Variants in RNF150 observed in about 807,000 individuals in gnomAD.
RNF150 encodes ring finger protein 150.
A neutral mutation model predicts 39.3 loss-of-function variants in RNF150; 24 were observed. The observed-to-expected ratio is 0.61, with a 90% CI of 0.44 to 0.86. The LOEUF is 0.86. RNF150 is among the 40% of genes least tolerant of loss of function. RNF150 has a pLI of 0.00. For synonymous variants in RNF150, 255 were observed against 227.3 expected (o/e 1.12, Z -1.10); for missense variants, 502 against 587.8 (o/e 0.85, Z 1.51).
At chr4:141,068,439 C>A (rs958674111) in intron 1 of RNF150, among the ~76,000 whole-genome samples, 1 of 152,048 alleles carries the variant, frequency 6.6e-6, no homozygotes, top group African/African-American at 2.4e-5. Flanking sequence ...GGTACCAGTA[C>A]CATGCTGTTT....
chr4:141,065,611 G>A (rs1737424966), intron 1 of RNF150, among the ~76,000 whole-genome samples: 1 of 151,964 alleles, frequency 6.6e-6, no homozygotes, highest in South Asian at 2.1e-4. Flanking sequence ...ATTTTAGAAG[G>A]TAGTAAGATG....
chr4:141,168,258 C>T (rs140020066), intron 1 of RNF150, among the ~76,000 whole-genome samples: 293 of 152,194 alleles, frequency 1.9e-3, no homozygotes, highest in African/African-American at 6.5e-3. Flanking sequence ...CCATCTCACA[C>T]GAGTTAGAAT....
upstream of RNF150, among the ~76,000 whole-genome samples, chr4:141,134,987 C>A (rs1463517118): frequency 6.6e-6 from 1 of 152,224 alleles, no homozygotes; most frequent in African/African-American, 2.4e-5. Context: ...CTTACCCCTT[C>A]TTTCCTTTGG....
chr4:140,966,877 T>C (rs1319775135), intron 2 of RNF150, among the ~76,000 whole-genome samples: 1 of 152,186 alleles, frequency 6.6e-6, no homozygotes, highest in Non-Finnish European at 1.5e-5. Context: ...GTGTCATGTG[T>C]ACATGTTCTG....
chr4:141,069,334 T>C (rs1169897545), intron 1 of RNF150, among the ~76,000 whole-genome samples: 70 of 129,968 alleles, frequency 5.4e-4, no homozygotes, highest in African/African-American at 2.0e-3. Context: ...GTTTTTGTCT[T>C]TGGCTCTGTT....
intron 4 of RNF150, among the ~76,000 whole-genome samples, chr4:140,940,430 A>G (rs1480209779): frequency 6.6e-6 from 1 of 152,120 alleles, no homozygotes; most frequent in Non-Finnish European, 1.5e-5. Flanking sequence ...GAAGTGTCCA[A>G]AAATAGTTAG....
intron 1 of RNF150, among the ~76,000 whole-genome samples, chr4:141,168,673 T>C: frequency 6.6e-6 from 1 of 152,096 alleles, no homozygotes; most frequent in East Asian, 1.9e-4. Flanking sequence ...AAATCATCAT[T>C]CTCAGTAAAC....
rs1272765496 is a variant in RNF150 at position 141,113,426 on chromosome 4, C to T, written c.484+18899G>A. On this transcript the variant is annotated intron_variant, in intron 1 of 6. Coordinates refer to ENST00000515673, the MANE Select transcript of RNF150 (RefSeq NM_020724.2). The stretch of plus-strand genomic sequence containing the variant: ...AAAGATCAAAAAAGACAAAGAAGGG[C>T]ATTACATAACGGTAAAGGGATCAAT... 1.2e-4 allele frequency among the ~76,000 whole-genome samples: 18 copies of T among 150,664 alleles called. 1 individual carries two copies. Among genetic ancestry groups the T allele is most frequent in the Admixed American group, 1.2e-3 (18 of 15,150 alleles).
intron 3 of RNF150, 101 bp from the exon 4 acceptor site, chr4:140,947,837 T>A: frequency 1.4e-6 from 1 of 706,630 alleles, no homozygotes; most frequent in Non-Finnish European, 2.3e-6. Context: ...AGCAAAGCTT[T>A]CCGCTGTGCT....
At chr4:141,050,577 C>T (rs1327941463) in intron 1 of RNF150, among the ~76,000 whole-genome samples, 1 of 152,122 alleles carries the variant, frequency 6.6e-6, no homozygotes, top group African/African-American at 2.4e-5. Context: ...AATGAAGGGG[C>T]TACAGACCCC....
intron 1 of RNF150, among the ~76,000 whole-genome samples, chr4:141,166,063 A>G (rs1249553569): frequency 6.6e-6 from 1 of 152,156 alleles, no homozygotes; most frequent in Non-Finnish European, 1.5e-5. Context: ...CCAAACTAAT[A>G]AAGAAGAAAA....
chr4:141,208,179 G>T (rs13129853), intron 1 of RNF150, among the ~76,000 whole-genome samples: 33,675 of 152,148 alleles, frequency 0.22, 3,960 homozygotes, highest in South Asian at 0.32. Context: ...CTTCTTCCTC[G>T]GTTCTGCTTT....
chr4:141,134,946 A>T (rs1727005919), upstream of RNF150, among the ~76,000 whole-genome samples: 1 of 152,112 alleles, frequency 6.6e-6, no homozygotes, highest in African/African-American at 2.4e-5. Flanking sequence ...AGACTTGGAG[A>T]AGCTATGTTA....
chr4:140,899,964 CTCTCTCTCTCTGTGTG>C (rs1730122053), intron 6 of RNF150, among the ~76,000 whole-genome samples: 1 of 118,834 alleles, frequency 8.4e-6, no homozygotes, highest in African/African-American at 3.1e-5. Flanking sequence ...CTCTCTCTCT[CTCTCTCTCTCTGTGTG>C]TGTGTGTGTG....
intron 1 of RNF150, among the ~76,000 whole-genome samples, chr4:141,151,665 G>A (rs747544148): frequency 6.6e-6 from 1 of 152,068 alleles, no homozygotes; most frequent in African/African-American, 2.4e-5. Context: ...CCTTAGAATA[G>A]AACAATTCCT....
intron 4 of RNF150, among the ~76,000 whole-genome samples, chr4:140,934,544 C>T (rs1472543377): frequency 6.6e-6 from 1 of 152,070 alleles, no homozygotes; most frequent in Non-Finnish European, 1.5e-5. Flanking sequence ...TCTTTTCAGG[C>T]TCACAGAAAC....
At chr4:140,869,949 TA>T (rs1036795479) in intron 6 of RNF150, among the ~76,000 whole-genome samples, 1 of 152,148 alleles carries the variant, frequency 6.6e-6, no homozygotes, top group African/African-American at 2.4e-5. Flanking sequence ...AATATGCAAT[TA>T]AAAAAACCAA....
At chr4:140,888,931 C>T (rs897708898) in intron 6 of RNF150, among the ~76,000 whole-genome samples, 1 of 152,190 alleles carries the variant, frequency 6.6e-6, no homozygotes, top group Non-Finnish European at 1.5e-5. Context: ...CCATCCCATT[C>T]ACTTCATACG....
chr4:141,114,368 T>C (rs553422941), intron 1 of RNF150, among the ~76,000 whole-genome samples: 3 of 152,302 alleles, frequency 2.0e-5, no homozygotes, highest in South Asian at 2.1e-4. Context: ...GAGAATACTA[T>C]AACCACCTCT....
Sources: gnomAD v4.1 joint callset for allele counts (sites outside exome capture counted in the v4.1 genomes callset) on GRCh38, gnomAD v4.1.1 for gene constraint, MANE v1.5 for transcripts, NCBI Gene and HGNC (gene_info 2026-07-23, HGNC 2026-07-21) for gene names.